Variants in FBXL17 observed in about 807,000 individuals in gnomAD.
FBXL17 encodes the protein F-box and leucine rich repeat protein 17.
In FBXL17, 22 loss-of-function variants were observed where a neutral mutation model predicts 66.2. The ratio of observed to expected loss-of-function variants is 0.33; its 90% confidence interval spans 0.24 to 0.47. The LOEUF is 0.47. Ranked by LOEUF, FBXL17 falls within the 20% of genes least tolerant of loss-of-function variation. The probability of loss-of-function intolerance (pLI) is 1.00; values close to 1 mark genes in which losing one functional copy is unlikely to be tolerated. For missense variants in FBXL17, 878 were observed against 948.2 expected (o/e 0.93, Z 0.97); for synonymous variants, 474 against 400.5 (o/e 1.18, Z -2.19).
chr5:108,298,099 A>G (rs1410877070), intron 4 of FBXL17: 1 of 964,726 alleles, frequency 1.0e-6, no homozygotes, highest in Non-Finnish European at 1.2e-6. Flanking sequence ...GGCTTATATT[A>G]TACAATTTTA....
chr5:108,321,610 T>C (rs10515386), intron 4 of FBXL17, among the ~76,000 whole-genome samples: 6,581 of 151,934 alleles, frequency 0.043, 767 homozygotes, highest in East Asian at 0.39. Context: ...CTCTATTACC[T>C]GTGGATATTC....
chr5:108,239,065 T>C (rs953500881), intron 4 of FBXL17, among the ~76,000 whole-genome samples: 2 of 152,074 alleles, frequency 1.3e-5, no homozygotes, highest in African/African-American at 4.8e-5. Context: ...CTTTGACATT[T>C]TTTTTTTAGA....
rs375184427 is a variant in FBXL17, at chr5:107,988,527, A to C, written c.1822+32398T>G. Among the ~76,000 whole-genome samples the C allele has an allele frequency of 4.2e-4, 64 of 152,106 alleles. 1 individual carries two copies. Among genetic ancestry groups the C allele is most frequent in the African/African-American group, 1.3e-3 (54 of 41,538 alleles). On this transcript the variant is annotated intron_variant, in intron 7 of 8. Transcript: ENST00000542267. ...AGTTTTAGGAGTAGTATTTTTGCAA[A>C]GGACCAAATAAATCATTCTATTAAA...
chr5:107,893,455 C>A, intron 7 of FBXL17, among the ~76,000 whole-genome samples: 1 of 152,212 alleles, frequency 6.6e-6, no homozygotes, highest in South Asian at 2.1e-4. Flanking sequence ...ATTAGAAGGG[C>A]CTAGAAGTGT....
chr5:108,243,622 T>C (rs1461293539), intron 4 of FBXL17, among the ~76,000 whole-genome samples: 1 of 152,190 alleles, frequency 6.6e-6, no homozygotes, highest in Non-Finnish European at 1.5e-5. Context: ...GTGTTTTAAC[T>C]CTCTGAAAGT....
intron 7 of FBXL17, among the ~76,000 whole-genome samples, chr5:107,904,885 C>T (rs1019755392): frequency 6.6e-6 from 1 of 151,756 alleles, no homozygotes; most frequent in Non-Finnish European, 1.5e-5. Context: ...GCTGAAGAAC[C>T]CCCAATTTTG....
intron 6 of FBXL17, among the ~76,000 whole-genome samples, chr5:108,182,188 T>C (rs759174960): frequency 6.6e-6 from 1 of 152,174 alleles, no homozygotes; most frequent in African/African-American, 2.4e-5. Flanking sequence ...AAGTATTTAG[T>C]AGGGGGCTAA....
At chr5:108,271,741 T>G (rs567049482) in intron 4 of FBXL17, among the ~76,000 whole-genome samples, 22 of 152,304 alleles carry the variant, frequency 1.4e-4, no homozygotes, top group Non-Finnish European at 2.8e-4. Context: ...ATTCATTGCT[T>G]TCATCTAGTT....
At chr5:108,307,836 TA>T in intron 4 of FBXL17, among the ~76,000 whole-genome samples, 1 of 152,222 alleles carries the variant, frequency 6.6e-6, no homozygotes, top group East Asian at 1.9e-4. Flanking sequence ...TACATTGTTA[TA>T]AAACATCAAA....
rs571257660 is a variant in FBXL17 at position 108,058,725 on chromosome 5, C to A, written c.1746-37724G>T. ...AAACTGAAATGCAGGTGAATTTGGG[C>A]CAGGTCTGTACTGTAATTATTTATT... On this transcript the variant is annotated intron_variant, in intron 6 of 8. Transcript: ENST00000542267. Among the ~76,000 whole-genome samples the A allele has an allele frequency of 2.6e-5, 4 of 152,198 alleles. No homozygotes were observed. In the South Asian group the frequency reaches 8.3e-4, roughly 32 times the overall value.
At chr5:108,154,702 CATATATATGTGT>C (rs1751927770) in intron 6 of FBXL17, among the ~76,000 whole-genome samples, 2 of 132,834 alleles carry the variant, frequency 1.5e-5, no homozygotes, top group African/African-American at 5.6e-5. Flanking sequence ...TATGTATATA[CATATATATGTGT>C]ATATATATGA....
At chr5:107,992,140 A>T (rs1379112053) in intron 7 of FBXL17, among the ~76,000 whole-genome samples, 5 of 151,792 alleles carry the variant, frequency 3.3e-5, no homozygotes. Flanking sequence ...CTAAATCTAT[A>T]CAATTGGGGC....
chr5:108,275,697 T>C (rs1188866737), intron 4 of FBXL17, among the ~76,000 whole-genome samples: 1 of 152,138 alleles, frequency 6.6e-6, no homozygotes, highest in Non-Finnish European at 1.5e-5. Flanking sequence ...GATAGGGAAA[T>C]GCAGACAAAG....
chr5:108,188,377 T>C lies in FBXL17; in HGVS notation c.1615-2130A>G, dbSNP rs542139219. 2.6e-5 allele frequency among the ~76,000 whole-genome samples: 4 copies of C among 152,342 alleles called. No homozygotes were observed. The South Asian group carries it at 8.3e-4, about 32-fold the overall frequency. ...CCAGCTTCTTCTAAGGGCTAGGTTG[T>C]AGGCATTAGTAAAGGCAGAGCTTCA... On this transcript the variant is annotated intron_variant, in intron 5 of 8. Transcript: ENST00000542267.
chr5:107,890,075 C>T (rs780256322), intron 7 of FBXL17, among the ~76,000 whole-genome samples: 6 of 152,084 alleles, frequency 3.9e-5, no homozygotes, highest in South Asian at 2.1e-4. Context: ...CTGTAACATT[C>T]GCTGAGAACC....
In FBXL17 at chr5:108,271,032, T is replaced by C. The variant is rs184415954; in HGVS notation, c.1507-46804A>G. ...TTCACCTCCTTTCCCAATAATTACA[T>C]CCAATAGAGCAGTGGAAATGATGAA... On this transcript the variant is annotated intron_variant, in intron 4 of 8. Coordinates refer to ENST00000542267, the MANE Select transcript of FBXL17 (RefSeq NM_001163315.3). Among the ~76,000 whole-genome samples the C allele has an allele frequency of 2.2e-3, 322 of 148,692 alleles. 1 individual carries two copies. The highest frequency in any genetic ancestry group is 7.8e-3 in the African/African-American group (313 of 40,158).
At chr5:108,017,759 C>T (rs1280465058) in intron 7 of FBXL17, among the ~76,000 whole-genome samples, 1 of 152,094 alleles carries the variant, frequency 6.6e-6, no homozygotes. Context: ...AGCAATTTCC[C>T]AAGACTGTAT....
At chr5:108,068,647 C>T (rs746822249) in intron 6 of FBXL17, among the ~76,000 whole-genome samples, 4 of 151,876 alleles carry the variant, frequency 2.6e-5, no homozygotes, top group Non-Finnish European at 5.9e-5. Context: ...TTAGTAGAGA[C>T]GGGGTTTCAC....
chr5:108,226,359 C>T (rs1755100445), intron 4 of FBXL17, among the ~76,000 whole-genome samples: 1 of 152,104 alleles, frequency 6.6e-6, no homozygotes, highest in Admixed American at 6.6e-5. Context: ...TTTCCATGTC[C>T]TCCATCATAC....
Sources: gnomAD v4.1 joint callset for allele counts (sites outside exome capture counted in the v4.1 genomes callset) on GRCh38, gnomAD v4.1.1 for gene constraint, MANE v1.5 for transcripts, NCBI Gene and HGNC (gene_info 2026-07-23, HGNC 2026-07-21) for gene names.